The following METTL15 variants were observed in gnomAD, a reference collection of about 807,000 sequenced individuals.
METTL15 encodes 12S rRNA N(4)-cytidine methyltransferase METTL15.
Under a neutral mutation model 38.3 loss-of-function variants are expected in METTL15, and 34 were observed. The observed-to-expected ratio is 0.89, with a 90% CI of 0.68 to 1.18. The LOEUF is 1.18. Among genes scored for constraint, METTL15 ranks in the 50% most tolerant of loss-of-function variants. The pLI is 0.00. For missense variants in METTL15, 438 were observed against 498.4 expected, an observed-to-expected ratio of 0.88 and a Z score of 1.15; for synonymous variants, 162 against 170.9, an observed-to-expected ratio of 0.95 and a Z score of 0.41.
At chr11:28,407,645 G>A (rs1404163489) in intron 5 of METTL15, among the ~76,000 whole-genome samples, 2 of 152,082 alleles carry the variant, frequency 1.3e-5, no homozygotes, top group African/African-American at 2.4e-5. Context: ...TTATTAAAAA[G>A]TAAAGAAACA....
At chr11:28,367,677 C>T (rs1039453374) in intron 5 of METTL15, among the ~76,000 whole-genome samples, 12 of 152,106 alleles carry the variant, frequency 7.9e-5, no homozygotes, top group African/African-American at 2.4e-4. Flanking sequence ...TTGGAGGCAT[C>T]GTGCTACCTG....
intron 6 of METTL15, among the ~76,000 whole-genome samples, chr11:28,427,970 A>G (rs1850880473): frequency 1.3e-5 from 2 of 152,182 alleles, no homozygotes; most frequent in Non-Finnish European, 2.9e-5. Context: ...AGGAGTGATG[A>G]GAGAGAGCAT....
chr11:28,330,315 A>G (rs890650035), intron 6 of METTL15, 81 bp from the exon 7 acceptor site: 4 of 1,277,064 alleles, frequency 3.1e-6, no homozygotes, highest in Admixed American at 5.6e-5. Flanking sequence ...TATGCACACA[A>G]CTACACAATT....
chr11:28,431,789 T>TAAAAAAAAAAAAAAAAA (rs1564929855), intron 6 of METTL15, among the ~76,000 whole-genome samples: 4 of 9,958 alleles, frequency 4.0e-4, no homozygotes, highest in Admixed American at 3.3e-3. Context: ...AAAAATAAAT[T>TAAAAAAAAAAAAAAAAA]TAAAAAAAAA....
intron 4 of METTL15, among the ~76,000 whole-genome samples, chr11:28,255,267 T>TAAA (rs1333670214): frequency 6.6e-6 from 1 of 152,212 alleles, no homozygotes; most frequent in Non-Finnish European, 1.5e-5. Context: ...TTCAGATAGT[T>TAAA]TTCTATTGAC....
intron 6 of METTL15, among the ~76,000 whole-genome samples, chr11:28,518,170 A>C (rs1201644699): frequency 1.3e-5 from 2 of 151,934 alleles, no homozygotes; most frequent in African/African-American, 4.8e-5. Flanking sequence ...GAAAGGTTTA[A>C]AAAAAAAGCA....
In METTL15 at chr11:28,430,008, C is replaced by T. The variant is rs1232296376; in HGVS notation, c.*424+5644C>T. 2.1e-4 allele frequency among the ~76,000 whole-genome samples: 29 copies of T among 138,078 alleles called. No homozygotes were observed. The East Asian group carries it at 3.3e-3, about 16-fold the overall frequency. The allele number at this position is 138,078 out of a possible 152,430, so 90.6% of individuals were successfully genotyped here. A position where few individuals can be genotyped will look rare whatever the true frequency, so the allele number is the denominator to read the frequency against. Reference sequence around the variant, plus strand: ...GATGTGGGGAGCGCCTCTGCCCCGCCGCCCCATCTGGGATGTGAGGAGCGC... The same window carrying T: ...GATGTGGGGAGCGCCTCTGCCCCGCTGCCCCATCTGGGATGTGAGGAGCGC... On this transcript the variant is annotated intron_variant and NMD_transcript_variant, in intron 6 of 7. Transcript: ENST00000532947.
chr11:28,399,734 C>G (rs1047756009), intron 5 of METTL15, among the ~76,000 whole-genome samples: 19 of 151,698 alleles, frequency 1.3e-4, no homozygotes, highest in Non-Finnish European at 2.2e-4. Context: ...AATGCATTTC[C>G]TTATTGATAA....
At chr11:28,210,025 A>C (rs1003433140) in intron 3 of METTL15, among the ~76,000 whole-genome samples, 2 of 152,028 alleles carry the variant, frequency 1.3e-5, no homozygotes, top group Non-Finnish European at 2.9e-5. Flanking sequence ...GAATATGTGG[A>C]GAATGTCTTG....
intron 5 of METTL15, 98 bp from the exon 6 acceptor site, chr11:28,296,655 T>C (rs558118792): frequency 2.4e-6 from 3 of 1,234,428 alleles, no homozygotes; most frequent in Admixed American, 3.7e-5. Context: ...TCCTAGAGTA[T>C]GTGTGTGTGT....
At chr11:28,173,299 T>C (rs1380723071) in intron 3 of METTL15, among the ~76,000 whole-genome samples, 2 of 152,002 alleles carry the variant, frequency 1.3e-5, no homozygotes, top group Non-Finnish European at 2.9e-5. Context: ...GGTGAAGCAA[T>C]CATGAAGGGG....
intron 3 of METTL15, among the ~76,000 whole-genome samples, chr11:28,184,370 C>G (rs1026131314): frequency 6.6e-6 from 1 of 151,970 alleles, no homozygotes; most frequent in African/African-American, 2.4e-5. Flanking sequence ...AATTTTAGAT[C>G]ATTCCTGCTT....
chr11:28,116,296 A>G (rs561294431), intron 3 of METTL15, among the ~76,000 whole-genome samples: 11 of 152,308 alleles, frequency 7.2e-5, no homozygotes, highest in African/African-American at 2.4e-4. Flanking sequence ...CATTCACAAG[A>G]GAAAAAAGTA....
At chr11:28,504,476 A>C (rs1851611074) in intron 6 of METTL15, among the ~76,000 whole-genome samples, 2 of 152,370 alleles carry the variant, frequency 1.3e-5, no homozygotes, top group South Asian at 4.1e-4. Context: ...CTGGATTTTC[A>C]TGCATAATCT....
At chr11:28,209,768 C>T (rs888263530) in intron 3 of METTL15, among the ~76,000 whole-genome samples, 45 of 152,078 alleles carry the variant, frequency 3.0e-4, no homozygotes, top group African/African-American at 9.9e-4. Context: ...CAATTTCTGA[C>T]CACTGTCCCT....
chr11:28,204,472 A>T (rs16917816), intron 3 of METTL15, among the ~76,000 whole-genome samples: 11,338 of 97,638 alleles, frequency 0.12, 891 homozygotes, highest in East Asian at 0.42. Flanking sequence ...GTAAAAAGGG[A>T]TATAATGCCA....
chr11:28,459,684 A>G (rs1440558261), intron 6 of METTL15, among the ~76,000 whole-genome samples: 4 of 152,136 alleles, frequency 2.6e-5, no homozygotes, highest in Non-Finnish European at 5.9e-5. Flanking sequence ...GGGCTGAAAA[A>G]ACCAATTTCT....
intron 5 of METTL15, among the ~76,000 whole-genome samples, chr11:28,384,228 G>A (rs1004418700): frequency 3.3e-5 from 5 of 151,908 alleles, no homozygotes; most frequent in African/African-American, 1.2e-4. Flanking sequence ...CATTTTGGTT[G>A]ATTCAATGTC....
chr11:28,121,551 C>T (rs1852233171), intron 3 of METTL15, among the ~76,000 whole-genome samples: 2 of 152,066 alleles, frequency 1.3e-5, no homozygotes. Context: ...TGGTTTATAA[C>T]AGAACTTGAG....
Sources: allele counts gnomAD v4.1 joint callset (sites outside exome capture counted in the v4.1 genomes callset), GRCh38; gene constraint gnomAD v4.1.1; transcripts MANE v1.5; gene names NCBI Gene and HGNC (gene_info 2026-07-23, HGNC 2026-07-21).